DNAH14: variants seen among roughly 807,000 people sequenced by gnomAD.
DNAH14 encodes dynein axonemal heavy chain 14.
A neutral mutation model predicts 520.9 loss-of-function variants in DNAH14; 478 were observed. The observed-to-expected ratio is 0.92, with a 90% CI of 0.85 to 0.99. The LOEUF (loss-of-function observed/expected upper bound fraction) is 0.99. DNAH14 is among the 50% of genes least tolerant of loss of function. The probability of loss-of-function intolerance (pLI) is 0.00; values close to 1 mark genes in which losing one functional copy is unlikely to be tolerated. For synonymous variants in DNAH14, 1,581 were observed against 1,757.2 expected (o/e 0.90, Z 2.51); for missense variants, 4,831 against 5,234.5 (o/e 0.92, Z 2.38).
intron 42 of DNAH14, among the ~76,000 whole-genome samples, chr1:225,238,527 C>T (rs1000183698): frequency 1.1e-4 from 16 of 152,164 alleles, no homozygotes; most frequent in African/African-American, 2.9e-4. Context: ...GACCTGTTTC[C>T]GGCCTGAACG....
chr1:224,934,808 C>T lies in DNAH14; in HGVS notation c.-34+4973C>T, dbSNP rs574580036. On this transcript the variant is annotated intron_variant, in intron 1 of 85. Coordinates refer to ENST00000682510, the MANE Select transcript of DNAH14 (RefSeq NM_001367479.1). ...GATCCTTGTCACCTATAAAGGAAACCCCATTAGACTACTATAGATTTCTCT... is the reference window on the plus strand; with the variant it reads ...GATCCTTGTCACCTATAAAGGAAACTCCATTAGACTACTATAGATTTCTCT... Among the ~76,000 whole-genome samples the T allele has an allele frequency of 2.6e-5, 4 of 151,664 alleles. No homozygotes were observed. In the South Asian group the frequency reaches 8.3e-4, roughly 32 times the overall value.
chr1:225,368,173 G>A (rs1012196796), intron 77 of DNAH14, 141 bp downstream of exon 77: 84 of 731,282 alleles, frequency 1.1e-4, no homozygotes, highest in Non-Finnish European at 1.1e-4. Flanking sequence ...AAGGGCTAAC[G>A]TTTAGAAACA....
chr1:225,116,485 G>T (rs1162712140), intron 23 of DNAH14, among the ~76,000 whole-genome samples: 3 of 152,084 alleles, frequency 2.0e-5, no homozygotes, highest in Non-Finnish European at 4.4e-5. Context: ...AAGAGGTCCC[G>T]GGTTATGCCT....
intron 77 of DNAH14, among the ~76,000 whole-genome samples, chr1:225,369,193 A>T (rs1396209158): frequency 6.6e-6 from 1 of 152,162 alleles, no homozygotes; most frequent in East Asian, 1.9e-4. Context: ...AAGGGAGAGA[A>T]AAAACAAAGC....
Position 225,258,058 on chromosome 1 carries a change from A to G in DNAH14, c.6964A>G (p.Thr2322Ala). ...CINYTATRDT[T>A]CLSFLMSLLL... ...TAATTATACCGCTACCAGAGACACA[A>G]CATGCCTTTCTTTTCTCATGAGCCT... is the stretch of plus-strand genomic sequence containing the variant. Residue 2322 changes from threonine (T) to alanine (A), a missense_variant, in exon 45 of 86, where the codon ACA becomes GCA. Coordinates refer to ENST00000682510, the MANE Select transcript of DNAH14 (RefSeq NM_001367479.1). The G allele has an allele frequency of 1.3e-6, 2 of 1,549,822 alleles. No individual in the cohort carries two copies. Among genetic ancestry groups the G allele is most frequent in the Non-Finnish European group, 1.7e-6 (2 of 1,146,332 alleles).
At position 224,964,529 on chromosome 1, in the gene DNAH14, CT is replaced by C; in HGVS notation, c.420del (p.Gly141ValfsTer11). On this transcript the variant is annotated frameshift_variant, in exon 5 of 86. Coordinates refer to ENST00000682510, the MANE Select transcript of DNAH14 (RefSeq NM_001367479.1). LOFTEE classifies it high-confidence loss of function. ...IRNIIRLREK[L>X]GWQTILPQHS... ...AAATATTATTAGGCTACGAGAAAAG[CT>C]TGGTTGGCAAACTATATTACCGCAG... The C allele has an allele frequency of 6.2e-7, 1 of 1,610,378 alleles. No individual in the cohort carries two copies. Among genetic ancestry groups the C allele is most frequent in the Non-Finnish European group, 8.5e-7 (1 of 1,177,810 alleles).
At chr1:224,985,090 A>G (rs887827012) in intron 8 of DNAH14, among the ~76,000 whole-genome samples, 24 of 152,322 alleles carry the variant, frequency 1.6e-4, no homozygotes, top group African/African-American at 3.8e-4. Flanking sequence ...AGAACTACCA[A>G]TTTGATCCAG....
intron 17 of DNAH14, among the ~76,000 whole-genome samples, chr1:225,061,403 G>A (rs1355289265): frequency 6.6e-6 from 1 of 152,210 alleles, no homozygotes; most frequent in Non-Finnish European, 1.5e-5. Context: ...TTTTCCAGGT[G>A]CCGTGTGTCA....
At position 225,399,012 on chromosome 1, in the gene DNAH14, G is replaced by C. The variant is rs750475456; in HGVS notation, c.13639-42G>C. ...GAAAATGTGAGCTACTGATTCACTT[G>C]AACTATGCAATTTGACTACTGGATT... On this transcript the variant is annotated intron_variant, in intron 85 of 85. Coordinates refer to ENST00000682510, the MANE Select transcript of DNAH14 (RefSeq NM_001367479.1). The C allele has an allele frequency of 1.3e-5, 18 of 1,394,344 alleles. No individual in the cohort carries two copies. The South Asian group carries it at 2.0e-4, about 16-fold the overall frequency. 86.4% of individuals were successfully genotyped at this position (1,394,344 alleles called of 1,614,324 possible).
At chr1:225,264,339 C>G (rs2093040174) in intron 47 of DNAH14, 78 bp downstream of exon 47, 1 of 1,112,160 alleles carries the variant, frequency 9.0e-7, no homozygotes, top group South Asian at 1.5e-5. Context: ...TTCTTACATT[C>G]ATGGATCTCA....
intron 15 of DNAH14, among the ~76,000 whole-genome samples, chr1:225,047,216 C>G (rs2068045239): frequency 6.6e-6 from 1 of 152,188 alleles, no homozygotes; most frequent in Non-Finnish European, 1.5e-5. Flanking sequence ...ACTGATACCT[C>G]AGACCCCAAT....
intron 54 of DNAH14, among the ~76,000 whole-genome samples, chr1:225,281,008 C>A (rs990026776): frequency 2.0e-5 from 3 of 152,116 alleles, no homozygotes; most frequent in Non-Finnish European, 4.4e-5. Context: ...TAACTTAAAT[C>A]CTTGTGAAGA....
chr1:225,028,920 C>T (rs985157015), intron 11 of DNAH14, among the ~76,000 whole-genome samples: 1 of 151,840 alleles, frequency 6.6e-6, no homozygotes, highest in South Asian at 2.1e-4. Flanking sequence ...ATAAACTTAC[C>T]CTATAATGTA....
chr1:225,272,007 ACGTCAG>A lies in DNAH14; in HGVS notation c.7774_7779del (p.Arg2592_Gln2593del). 6.4e-7 allele frequency: 1 copy of A among 1,550,882 alleles called. No homozygotes were observed. On this transcript the variant is annotated inframe_deletion, in exon 51 of 86. Transcript: ENST00000682510. ...GTTCCCTAGCTATATACCATCAAGT[ACGTCAG>A]AATATGTTACCAACTCCAACAAAAT...
intron 16 of DNAH14, 53 bp downstream of exon 16, chr1:225,050,429 T>G: frequency 6.8e-7 from 1 of 1,461,842 alleles, no homozygotes; most frequent in Non-Finnish European, 9.1e-7. Flanking sequence ...AGAAACCCAC[T>G]GAATTCTTAA....
chr1:225,159,630 T>A (rs2081349070), intron 35 of DNAH14, 145 bp downstream of exon 35: 1 of 898,584 alleles, frequency 1.1e-6, no homozygotes, highest in Non-Finnish European at 1.6e-6. Flanking sequence ...TGGAGATATA[T>A]AGTGCCCCTT....
chr1:225,298,128 C>T (rs1407769936), intron 55 of DNAH14, among the ~76,000 whole-genome samples: 3 of 152,112 alleles, frequency 2.0e-5, no homozygotes, highest in Non-Finnish European at 4.4e-5. Context: ...CTGCCAGGGG[C>T]AACCCATGTA....
At chr1:225,080,862 T>C (rs2073037463) in intron 19 of DNAH14, 114 bp downstream of exon 19, 1 of 1,114,128 alleles carries the variant, frequency 9.0e-7, no homozygotes, top group Non-Finnish European at 1.2e-6. Context: ...TTGACCATTA[T>C]GGCTAGAGCT....
intron 54 of DNAH14, among the ~76,000 whole-genome samples, chr1:225,288,544 C>T (rs2149981239): frequency 6.6e-6 from 1 of 152,168 alleles, no homozygotes; most frequent in East Asian, 1.9e-4. Flanking sequence ...ATGTTAGATG[C>T]TAATAGGGGA....
Sources: gnomAD v4.1 joint callset for allele counts (sites outside exome capture counted in the v4.1 genomes callset) on GRCh38, gnomAD v4.1.1 for gene constraint, MANE v1.5 for transcripts, NCBI Gene and HGNC (gene_info 2026-07-23, HGNC 2026-07-21) for gene names.